DAB1: variants seen among roughly 807,000 people sequenced by gnomAD.
DAB1 encodes the protein DAB adaptor protein 1.
DAB1 carries 15 observed loss-of-function variants against 64.6 expected under a neutral mutation model. That is an observed-to-expected ratio of 0.23 (90% CI 0.16 to 0.36). DAB1 has a LOEUF of 0.36. DAB1 is among the 10% of genes least tolerant of loss of function. DAB1 has a pLI of 1.00. For missense variants in DAB1, 596 were observed against 706.7 expected, an observed-to-expected ratio of 0.84 and a Z score of 1.78; for synonymous variants, 235 against 251.9, an observed-to-expected ratio of 0.93 and a Z score of 0.64.
intron 3 of DAB1, among the ~76,000 whole-genome samples, chr1:58,425,467 T>A (rs1644814008): frequency 6.6e-6 from 1 of 152,226 alleles, no homozygotes; most frequent in African/African-American, 2.4e-5. Context: ...CGTAGAGTTT[T>A]ATGGGGTCTG....
At chr1:57,216,423 C>A (rs956725167) in intron 2 of DAB1, among the ~76,000 whole-genome samples, 1 of 152,200 alleles carries the variant, frequency 6.6e-6, no homozygotes, top group Admixed American at 6.5e-5. Context: ...ATCCCAGGTC[C>A]TATAAAGTAC....
chr1:57,590,296 T>A (rs1296945651), intron 7 of DAB1, among the ~76,000 whole-genome samples: 4 of 151,664 alleles, frequency 2.6e-5, no homozygotes, highest in African/African-American at 7.3e-5. Flanking sequence ...TAACCTTAAT[T>A]ATTTTTTCTT....
chr1:58,265,193 A>G (rs1661131962), intron 4 of DAB1, among the ~76,000 whole-genome samples: 1 of 152,244 alleles, frequency 6.6e-6, no homozygotes, highest in African/African-American at 2.4e-5. Context: ...TTCCCATTCA[A>G]TAAACAAGGA....
At chr1:57,585,611 G>A (rs902978200) in intron 7 of DAB1, among the ~76,000 whole-genome samples, 5 of 151,930 alleles carry the variant, frequency 3.3e-5, no homozygotes, top group African/African-American at 4.8e-5. Flanking sequence ...CATCTGGTTC[G>A]CACATTTATG....
intron 4 of DAB1, among the ~76,000 whole-genome samples, chr1:58,333,029 C>A (rs1663010886): frequency 6.6e-6 from 1 of 152,192 alleles, no homozygotes; most frequent in Non-Finnish European, 1.5e-5. Flanking sequence ...CCTGCCTCAA[C>A]CTCCCAAATA....
intron 6 of DAB1, among the ~76,000 whole-genome samples, chr1:57,762,565 C>G (rs920790472): frequency 2.0e-5 from 3 of 151,372 alleles, no homozygotes; most frequent in Admixed American, 1.3e-4. Context: ...TTCAATGCAG[C>G]AAGACATAAA....
intron 1 of DAB1, among the ~76,000 whole-genome samples, chr1:57,410,514 A>T (rs1025003577): frequency 6.6e-6 from 1 of 152,230 alleles, no homozygotes; most frequent in African/African-American, 2.4e-5. Flanking sequence ...AAAGGCAGGC[A>T]GAGGCAGGTG....
At chr1:57,924,128 T>A (rs1248197043) in intron 5 of DAB1, among the ~76,000 whole-genome samples, 1 of 152,176 alleles carries the variant, frequency 6.6e-6, no homozygotes, top group Non-Finnish European at 1.5e-5. Flanking sequence ...TCCTTATTAT[T>A]CTCCCCATTA....
chr1:57,980,466 G>T (rs967734826), intron 5 of DAB1, among the ~76,000 whole-genome samples: 3 of 152,082 alleles, frequency 2.0e-5, no homozygotes, highest in Admixed American at 6.6e-5. Flanking sequence ...ACATCTCTTA[G>T]CCACCAATTA....
At chr1:57,771,355 A>AATAAAT (rs76757381) in intron 6 of DAB1, among the ~76,000 whole-genome samples, 3,379 of 152,254 alleles carry the variant, frequency 0.022, 58 homozygotes, top group African/African-American at 0.026. Context: ...GCAACCATGA[A>AATAAAT]ATAAATATAA....
chr1:58,361,340 A>T (rs1644162378), intron 3 of DAB1, among the ~76,000 whole-genome samples: 1 of 152,238 alleles, frequency 6.6e-6, no homozygotes, highest in Non-Finnish European at 1.5e-5. Context: ...CACTAGGTGC[A>T]TTCTGCTCTT....
At chr1:57,415,610 A>G (rs963904975) in intron 1 of DAB1, among the ~76,000 whole-genome samples, 5 of 152,170 alleles carry the variant, frequency 3.3e-5, no homozygotes, top group South Asian at 2.1e-4. Context: ...CAGATTCAGC[A>G]TATGGTTGGC....
intron 2 of DAB1, among the ~76,000 whole-genome samples, chr1:57,257,757 A>C (rs948054637): frequency 5.9e-5 from 9 of 152,160 alleles, no homozygotes; most frequent in African/African-American, 2.2e-4. Context: ...TCTGGGAGAG[A>C]ATCTACCCCT....
chr1:57,812,309 G>A (rs1274984541), intron 6 of DAB1, among the ~76,000 whole-genome samples: 1 of 115,362 alleles, frequency 8.7e-6, no homozygotes, highest in Non-Finnish European at 1.7e-5. Context: ...CACAACCTGG[G>A]ATTCATTGCC....
chr1:58,153,381 G>A (rs1172415297), intron 4 of DAB1, among the ~76,000 whole-genome samples: 2 of 152,164 alleles, frequency 1.3e-5, no homozygotes, highest in Non-Finnish European at 2.9e-5. Flanking sequence ...ATCATGATGA[G>A]CAGGTCATAC....
intron 14 of DAB1, among the ~76,000 whole-genome samples, chr1:57,010,384 C>T (rs1401501872): frequency 2.0e-5 from 3 of 152,056 alleles, no homozygotes; most frequent in Non-Finnish European, 4.4e-5. Context: ...TCACCCCTAC[C>T]CCTACCTCCC....
chr1:58,026,285 G>C, intron 5 of DAB1, among the ~76,000 whole-genome samples: 1 of 152,226 alleles, frequency 6.6e-6, no homozygotes. Flanking sequence ...AAGGCATAGA[G>C]TGTAGGCTGA....
At chr1:57,367,023 A>G (rs1164676427) in intron 1 of DAB1, among the ~76,000 whole-genome samples, 1 of 139,720 alleles carries the variant, frequency 7.2e-6, no homozygotes, top group Non-Finnish European at 1.6e-5. Flanking sequence ...CCTGGGCAAC[A>G]CAGTGAGACC....
chr1:57,187,574 G>T (rs1453755171), intron 2 of DAB1, among the ~76,000 whole-genome samples: 1 of 152,130 alleles, frequency 6.6e-6, no homozygotes, highest in East Asian at 1.9e-4. Flanking sequence ...CTTCCCTTGG[G>T]GCTGACAAAG....
Sources: gnomAD v4.1 joint callset for allele counts (sites outside exome capture counted in the v4.1 genomes callset) on GRCh38, gnomAD v4.1.1 for gene constraint, MANE v1.5 for transcripts, NCBI Gene and HGNC (gene_info 2026-07-23, HGNC 2026-07-21) for gene names.